Variants in FBXW11 observed in about 807,000 individuals in gnomAD.
FBXW11 encodes the protein F-box and WD repeat domain containing 11, also known as F-box/WD repeat-containing protein 11.
Under a neutral mutation model 77.6 loss-of-function variants are expected in FBXW11, and 19 were observed. The ratio of observed to expected loss-of-function variants is 0.24; its 90% CI spans 0.17 to 0.36. The LOEUF is 0.36. FBXW11 is among the 10% of genes least tolerant of loss of function. The pLI, the probability that FBXW11 is intolerant of heterozygous loss-of-function variation, is 1.00. For missense variants in FBXW11, 334 were observed against 704.2 expected, an observed-to-expected ratio of 0.47 and a Z score of 5.95; for synonymous variants, 235 against 249.4, an observed-to-expected ratio of 0.94 and a Z score of 0.54.
rs1402711957 is a variant in FBXW11, at chr5:171,876,385, A to G, written c.1121T>C (p.Ile374Thr). ...AVWDMASATD[I>T]TLRRVLVGHR... The stretch of plus-strand genomic sequence containing the variant: ...GCCAACCAGGACACGGCGTAAAGTG[A>G]TGTCGGTCGCAGAAGCCATGTCCCA... The change falls in exon 9 of 14, where the codon ATC (isoleucine) becomes ACC (threonine). Residue 374 changes from isoleucine (I) to threonine (T), a missense_variant. By Grantham distance (89) the Ile-to-Thr change is moderately conservative (BLOSUM62 -1). Coordinates refer to ENST00000517395, the MANE Select transcript of FBXW11 (RefSeq NM_001378974.1). This position sits in a 1 kb window ranked among gnomAD's most constrained non-coding sequence, Gnocchi z 4.2. The G allele has an allele frequency of 6.2e-7, 1 of 1,614,122 alleles. No homozygotes were observed. Among genetic ancestry groups the G allele is most frequent in the East Asian group, 2.2e-5 (1 of 44,850 alleles).
intron 2 of FBXW11, among the ~76,000 whole-genome samples, chr5:171,919,091 T>A (rs997959686): frequency 6.6e-6 from 1 of 152,168 alleles, no homozygotes; most frequent in East Asian, 1.9e-4. Context: ...ACGAAGTATG[T>A]TGATATCTAA....
chr5:171,912,546 T>C (rs1760946065), intron 3 of FBXW11, among the ~76,000 whole-genome samples: 1 of 152,184 alleles, frequency 6.6e-6, no homozygotes, highest in Non-Finnish European at 1.5e-5. Flanking sequence ...TACAGGCAAC[T>C]ATTTAAAACA....
At chr5:171,925,848 T>C (rs1761863551) in intron 2 of FBXW11, among the ~76,000 whole-genome samples, 1 of 152,172 alleles carries the variant, frequency 6.6e-6, no homozygotes, top group Non-Finnish European at 1.5e-5. Context: ...GAACAAATGG[T>C]GTGCAGACAT....
At chr5:171,956,299 T>C (rs915839922) in intron 2 of FBXW11, among the ~76,000 whole-genome samples, 12 of 152,226 alleles carry the variant, frequency 7.9e-5, no homozygotes, top group African/African-American at 2.9e-4. Context: ...TTACATCGCA[T>C]GCACAGAAGC....
chr5:171,916,623 A>G (rs1190796850), intron 2 of FBXW11, among the ~76,000 whole-genome samples: 1 of 152,202 alleles, frequency 6.6e-6, no homozygotes, highest in African/African-American at 2.4e-5. Context: ...CTAAGAGTTT[A>G]AAGCAAGCAG....
intron 1 of FBXW11, among the ~76,000 whole-genome samples, chr5:171,987,037 G>A (rs908767502): frequency 1.3e-5 from 2 of 152,152 alleles, no homozygotes; most frequent in Non-Finnish European, 2.9e-5. Flanking sequence ...TGTGAACTGC[G>A]CATGTGAGGG....
intron 1 of FBXW11, among the ~76,000 whole-genome samples, chr5:171,980,229 A>G (rs549804155): frequency 1.6e-4 from 24 of 152,356 alleles, no homozygotes; most frequent in Admixed American, 9.8e-4. Flanking sequence ...GTTACTATTT[A>G]TTCCTAACTA....
At chr5:171,918,595 T>C (rs1429830689) in intron 2 of FBXW11, among the ~76,000 whole-genome samples, 1 of 152,180 alleles carries the variant, frequency 6.6e-6, no homozygotes, top group African/African-American at 2.4e-5. Flanking sequence ...TCCTCTTATG[T>C]CTACCAAGGA....
At chr5:171,914,119 C>T (rs546777433) in intron 3 of FBXW11, among the ~76,000 whole-genome samples, 7 of 152,354 alleles carry the variant, frequency 4.6e-5, no homozygotes, top group South Asian at 4.1e-4. Flanking sequence ...TTTTAGGCTA[C>T]AGCCAACTTC....
At chr5:171,998,959 T>C (rs568403555) in intron 1 of FBXW11, among the ~76,000 whole-genome samples, 3 of 152,320 alleles carry the variant, frequency 2.0e-5, no homozygotes, top group Non-Finnish European at 2.9e-5. Flanking sequence ...CCACAGGCAA[T>C]GACTCTTAAA....
chr5:171,997,158 C>A, intron 1 of FBXW11: 4 of 1,008,678 alleles, frequency 4.0e-6, no homozygotes, highest in South Asian at 1.4e-5. Context: ...ATCTGAGGCA[C>A]AGGAAAAAAG....
chr5:171,876,020 C>T lies in FBXW11; in HGVS notation c.1221+265G>A, dbSNP rs963083612. 6.6e-6 allele frequency among the ~76,000 whole-genome samples: 1 copy of T among 152,128 alleles called. No individual in the cohort carries two copies. Among genetic ancestry groups the T allele is most frequent in the Non-Finnish European group, 1.5e-5 (1 of 68,038 alleles). The stretch of plus-strand genomic sequence containing the variant: ...CTCCCAACACACAATACATGATCAA[C>T]ACGTTAGCACTCTTCCCCTTAAAAA... On this transcript the variant is annotated intron_variant, in intron 9 of 13. Transcript: ENST00000517395. The surrounding 1 kb of genome is among the most constrained non-coding windows in gnomAD (Gnocchi z 4.2).
rs1759946532 is a variant in FBXW11 at position 171,899,148 on chromosome 5, T to TTATCTAAA, written c.624-62_624-55dup. 6.0e-6 allele frequency: 7 copies of TTATCTAAA among 1,163,654 alleles called. No individual in the cohort carries two copies. The Admixed American group carries it at 1.5e-4, about 25-fold the overall frequency. The allele number at this position is 1,163,654 out of a possible 1,614,324, so 72.1% of individuals were successfully genotyped here. ...ATTTTTGCACATAAAAGGGTGAATT[T>TTATCTAAA]TATCTAAACATGGTGCTGACAAAGA... On this transcript the variant is annotated intron_variant, in intron 5 of 13. Transcript: ENST00000517395.
At chr5:171,925,440 C>G (rs1761838321) in intron 2 of FBXW11, among the ~76,000 whole-genome samples, 1 of 152,042 alleles carries the variant, frequency 6.6e-6, no homozygotes, top group Non-Finnish European at 1.5e-5. Flanking sequence ...ACAAAAAAAA[C>G]AGTATCTGGC....
At chr5:171,964,245 T>C (rs990350731) in intron 1 of FBXW11, among the ~76,000 whole-genome samples, 1 of 152,210 alleles carries the variant, frequency 6.6e-6, no homozygotes, top group African/African-American at 2.4e-5. Context: ...CCACAAAACT[T>C]CCACCAGGCC....
chr5:171,944,277 G>A (rs947854502), intron 2 of FBXW11, among the ~76,000 whole-genome samples: 11 of 151,494 alleles, frequency 7.3e-5, no homozygotes, highest in African/African-American at 1.9e-4. Flanking sequence ...CATATGCATA[G>A]ATTTAAAAGT....
intron 1 of FBXW11, among the ~76,000 whole-genome samples, chr5:171,972,190 A>G (rs1764569673): frequency 6.7e-6 from 1 of 150,346 alleles, no homozygotes; most frequent in Non-Finnish European, 1.5e-5. Flanking sequence ...CGAAACTGTT[A>G]CTGCATTCCA....
rs534351911 is a variant in FBXW11, at chr5:171,973,835, T to C, written c.46-16137A>G. Among the ~76,000 whole-genome samples the C allele has an allele frequency of 9.8e-5, 15 of 152,340 alleles. No individual in the cohort carries two copies. In the East Asian group the frequency reaches 2.9e-3, roughly 29 times the overall value. ...GTAAGTTTCTGTAAATCTAAAACTG[T>C]TCTAAAAATAGACTATTAATTTAAA... On this transcript the variant is annotated intron_variant, in intron 1 of 13. Transcript: ENST00000517395.
chr5:172,006,148 G>C (rs1766750792), intron 1 of FBXW11, among the ~76,000 whole-genome samples: 1 of 152,256 alleles, frequency 6.6e-6, no homozygotes, highest in African/African-American at 2.4e-5. Context: ...AGAATGGGGT[G>C]CTAGAGCGAG....
Sources: gnomAD v4.1 joint callset for allele counts (sites outside exome capture counted in the v4.1 genomes callset) on GRCh38, gnomAD v4.1.1 for gene constraint, Gnocchi (gnomAD v3.1) non-coding constraint, MANE v1.5 for transcripts, NCBI Gene and HGNC (gene_info 2026-07-23, HGNC 2026-07-21) for gene names.